The following BNIP2 variants were observed in gnomAD, a reference collection of about 807,000 sequenced individuals.
BNIP2 encodes BCL2/adenovirus E1B 19 kDa protein-interacting protein 2.
In BNIP2, 36 loss-of-function variants were observed where a neutral mutation model predicts 43.4. That is an observed-to-expected ratio of 0.83 (90% CI 0.64 to 1.10). The LOEUF is 1.10. Ranked by LOEUF, BNIP2 falls within the 50% of genes least tolerant of loss-of-function variation. The pLI is 0.00. For missense variants in BNIP2, 417 were observed against 374.1 expected (o/e 1.11, Z -0.95); for synonymous variants, 146 against 121.0 (o/e 1.21, Z -1.35).
chr15:59,684,007 A>C (rs1328008219), intron 1 of BNIP2, among the ~76,000 whole-genome samples: 1 of 152,236 alleles, frequency 6.6e-6, no homozygotes. Flanking sequence ...TAGCTATCTT[A>C]TCTGCTACGT....
intron 9 of BNIP2, among the ~76,000 whole-genome samples, chr15:59,664,385 T>C (rs1240233801): frequency 6.6e-6 from 1 of 152,158 alleles, no homozygotes; most frequent in Non-Finnish European, 1.5e-5. Context: ...TAAACTTTTT[T>C]TTTTTCTTAT....
intron 5 of BNIP2, among the ~76,000 whole-genome samples, chr15:59,674,079 G>C (rs1893106982): frequency 8.4e-6 from 1 of 118,686 alleles, no homozygotes; most frequent in African/African-American, 3.1e-5. Flanking sequence ...AACAGAGCAA[G>C]ACTTGGGTCT....
At chr15:59,689,072 C>G in intron 1 of BNIP2, 63 bp downstream of exon 1, 1 of 1,500,084 alleles carries the variant, frequency 6.7e-7, no homozygotes, top group Admixed American at 2.2e-5. Flanking sequence ...GACTTTCGCC[C>G]CTAGGCCGGT....
chr15:59,680,352 A>AC, intron 2 of BNIP2, 44 bp from the exon 3 acceptor site: 2 of 1,487,080 alleles, frequency 1.3e-6, no homozygotes, highest in African/African-American at 2.9e-5. Flanking sequence ...ATTAAGAAAG[A>AC]ATTTTTTTTT....
At chr15:59,679,855 C>G in intron 3 of BNIP2, 87 bp from the exon 4 acceptor site, 1 of 1,159,544 alleles carries the variant, frequency 8.6e-7, no homozygotes, top group Non-Finnish European at 1.2e-6. Flanking sequence ...CTACCCCATT[C>G]TTGGGAAAAA....
At chr15:59,688,592 G>C (rs1595712577) in intron 1 of BNIP2, 1 of 999,456 alleles carries the variant, frequency 1.0e-6, no homozygotes, top group Non-Finnish European at 1.5e-6. Context: ...TAAACAGAAA[G>C]GGTTGTGTCT....
chr15:59,679,487 CCTAT>C, intron 4 of BNIP2, 101 bp downstream of exon 4: 1 of 1,282,574 alleles, frequency 7.8e-7, no homozygotes, highest in Non-Finnish European at 1.1e-6. Context: ...AGCACAATTT[CCTAT>C]CTTAGTAACA....
chr15:59,676,129 G>C (rs6151531), intron 5 of BNIP2, among the ~76,000 whole-genome samples: 1 of 152,250 alleles, frequency 6.6e-6, no homozygotes, highest in Non-Finnish European at 1.5e-5. Context: ...TAGGGAGACT[G>C]TTCAGTCCCA....
In BNIP2 at chr15:59,663,347, T is replaced by G. The variant is rs1892376430; in HGVS notation, c.*722A>C. On this transcript the variant is annotated 3_prime_UTR_variant, in exon 10 of 10. Coordinates refer to ENST00000607373, the MANE Select transcript of BNIP2 (RefSeq NM_004330.4). The stretch of plus-strand genomic sequence containing the variant: ...ATACAAACCCTAATTCCTACCCTCT[T>G]AAATCCTCTAGTTCTAAGAATGGCT... 1 of 152,328 alleles carries G rather than the reference T, an allele frequency of 6.6e-6. No individual in the cohort carries two copies. The highest frequency in any genetic ancestry group is 2.1e-4 in the South Asian group (1 of 4,836). 9.4% of individuals were successfully genotyped at this position (152,328 alleles called of 1,614,324 possible).
Position 59,661,809 on chromosome 15 carries a change from T to C in BNIP2, c.*2260A>G, listed in dbSNP as rs897639455. The C allele has an allele frequency of 6.6e-6, 1 of 152,232 alleles. No individual in the cohort carries two copies. The highest frequency in any genetic ancestry group is 1.5e-5 in the Non-Finnish European group (1 of 68,036). The allele number at this position is 152,232 out of a possible 1,614,324, so 9.4% of individuals were successfully genotyped here. ...GATTAGAAACAACAGACTTAATAAA[T>C]GCTCTTCCTCTAACCTACTATTATG... On this transcript the variant is annotated 3_prime_UTR_variant, in exon 10 of 10. Transcript: ENST00000607373.
At chr15:59,682,568 G>C (rs1016444036) in intron 1 of BNIP2, 54 bp from the exon 2 acceptor site, 77 of 1,358,018 alleles carry the variant, frequency 5.7e-5, no homozygotes, top group Non-Finnish European at 6.9e-5. Flanking sequence ...TTTATCCACT[G>C]AAAAGGCGTA....
chr15:59,668,769 C>G, intron 9 of BNIP2, 123 bp downstream of exon 9: 1 of 805,406 alleles, frequency 1.2e-6, no homozygotes, highest in Non-Finnish European at 1.9e-6. Context: ...CACACACACA[C>G]ACACGCGCGC....
rs546705169 is a variant in BNIP2, at chr15:59,659,574, T to C, written c.*4495A>G. On this transcript the variant is annotated 3_prime_UTR_variant, in exon 10 of 10. Transcript: ENST00000607373. The stretch of plus-strand genomic sequence containing the variant: ...TATTTACTAGCTAGGTTTACACAAA[T>C]AAACAAGCAACTGTTAAACGGACAT... 14 of 152,312 alleles carry C rather than the reference T, an allele frequency of 9.2e-5. No individual in the cohort carries two copies. The highest frequency in any genetic ancestry group is 3.3e-4 in the Admixed American group (5 of 15,306). The allele number at this position is 152,312 out of a possible 1,614,324, so 9.4% of individuals were successfully genotyped here.
At position 59,689,272 on chromosome 15, in the gene BNIP2, C is replaced by G. The variant is rs1477621643; in HGVS notation, c.-195G>C. On this transcript the variant is annotated 5_prime_UTR_variant, in exon 1 of 10. Transcript: ENST00000607373. ...GCGGTGGAGACCCCGGCCCAATCCC[C>G]CGGCCGCAGCGGTACGGCGTCGGCG... 2 of 1,545,612 alleles carry G rather than the reference C, an allele frequency of 1.3e-6. No individual in the cohort carries two copies. Among genetic ancestry groups the G allele is most frequent in the African/African-American group, 1.4e-5 (1 of 73,060 alleles).
intron 9 of BNIP2, 147 bp downstream of exon 9, chr15:59,668,745 C>T (rs1388995371): frequency 2.0e-5 from 10 of 506,444 alleles, no homozygotes; most frequent in South Asian, 8.7e-5. Flanking sequence ...GCTTCTTCCT[C>T]TTTTTCTTTG....
intron 9 of BNIP2, chr15:59,668,043 A>T (rs1158911303): frequency 1.8e-6 from 2 of 1,108,898 alleles, no homozygotes; most frequent in Non-Finnish European, 2.4e-6. Context: ...AATAAGGAAG[A>T]GTTAGTCTGC....
At chr15:59,676,430 C>T (rs1893296298) in intron 5 of BNIP2, among the ~76,000 whole-genome samples, 2 of 152,044 alleles carry the variant, frequency 1.3e-5, no homozygotes, top group Non-Finnish European at 2.9e-5. Flanking sequence ...CTCAAGTAAT[C>T]CTCCTGCCTC....
At chr15:59,683,676 G>A (rs1056410401) in intron 1 of BNIP2, among the ~76,000 whole-genome samples, 3 of 152,084 alleles carry the variant, frequency 2.0e-5, no homozygotes, top group African/African-American at 4.8e-5. Context: ...AACATTAGCC[G>A]GATGTGGTGG....
Position 59,684,044 on chromosome 15 carries a change from C to T in BNIP2, c.-57-1530G>A, listed in dbSNP as rs1268412151. 2.0e-5 allele frequency among the ~76,000 whole-genome samples: 3 copies of T among 152,042 alleles called. No homozygotes were observed. The East Asian group carries it at 5.8e-4, about 29-fold the overall frequency. ...AACATTCAAAAGATGCACAAAGTTA[C>T]AAAGAAAAAAGCCTTATGTTCCGTA... is the stretch of plus-strand genomic sequence containing the variant. On this transcript the variant is annotated intron_variant, in intron 1 of 9. Coordinates refer to ENST00000607373, the MANE Select transcript of BNIP2 (RefSeq NM_004330.4).
Sources: allele counts gnomAD v4.1 joint callset (sites outside exome capture counted in the v4.1 genomes callset), GRCh38; gene constraint gnomAD v4.1.1; transcripts MANE v1.5; gene names NCBI Gene and HGNC (gene_info 2026-07-23, HGNC 2026-07-21).